ARHGAP42: variants seen among roughly 807,000 people sequenced by gnomAD.
The protein encoded by ARHGAP42 is rho GTPase-activating protein 42.
ARHGAP42 carries 63 observed loss-of-function variants against 125.0 expected under a neutral mutation model. That is an observed-to-expected ratio of 0.50 (90% CI 0.41 to 0.62). The LOEUF is 0.62. Among genes scored for constraint, ARHGAP42 ranks in the 20% least tolerant of loss-of-function variants. The pLI is 0.00. For synonymous variants in ARHGAP42, 339 were observed against 351.0 expected, an observed-to-expected ratio of 0.97 and a Z score of 0.38; for missense variants, 766 against 1,024.2, an observed-to-expected ratio of 0.75 and a Z score of 3.44.
At chr11:100,933,864 C>T (rs544526488) in intron 7 of ARHGAP42, among the ~76,000 whole-genome samples, 23 of 152,008 alleles carry the variant, frequency 1.5e-4, no homozygotes, top group Non-Finnish European at 2.5e-4. Flanking sequence ...CTCGGCTCAC[C>T]GCAACCTCCA....
At chr11:100,757,838 CAG>C (rs946728393) in intron 1 of ARHGAP42, among the ~76,000 whole-genome samples, 1 of 152,120 alleles carries the variant, frequency 6.6e-6, no homozygotes, top group Admixed American at 6.5e-5. Flanking sequence ...CCCTGTTTGA[CAG>C]TGTGCTTTTT....
At chr11:100,987,795 G>A (rs1858720463) in intron 23 of ARHGAP42, among the ~76,000 whole-genome samples, 1 of 140,856 alleles carries the variant, frequency 7.1e-6, no homozygotes, top group African/African-American at 2.6e-5. Flanking sequence ...GGTAAGCCCA[G>A]CCCAACCCAC....
chr11:100,687,915 T>A (rs1861114329), intron 1 of ARHGAP42, 83 bp downstream of exon 1: 1 of 1,404,602 alleles, frequency 7.1e-7, no homozygotes, highest in South Asian at 1.4e-5. Context: ...GTTGGAGGAG[T>A]CGGAGCTTCT....
chr11:100,971,018 G>A (rs1858229245), intron 17 of ARHGAP42, among the ~76,000 whole-genome samples: 1 of 152,110 alleles, frequency 6.6e-6, no homozygotes, highest in African/African-American at 2.4e-5. Flanking sequence ...GCTGAGAAGA[G>A]AGGGAGCCCT....
chr11:100,904,262 G>A (rs1307685935), intron 4 of ARHGAP42, among the ~76,000 whole-genome samples: 1 of 109,348 alleles, frequency 9.1e-6, no homozygotes, highest in Non-Finnish European at 1.9e-5. Flanking sequence ...TTTTTTTTTT[G>A]AGATGGAGTC....
intron 3 of ARHGAP42, 198 bp from the exon 4 acceptor site, chr11:100,859,356 G>A (rs661237): frequency 0.7 from 305,923 of 434,240 alleles, 108,225 homozygotes; most frequent in East Asian, 0.77. Flanking sequence ...TCACATTGTT[G>A]TTAGGATCAA....
intron 4 of ARHGAP42, among the ~76,000 whole-genome samples, chr11:100,885,647 T>C (rs1477536722): frequency 6.6e-6 from 1 of 152,220 alleles, no homozygotes; most frequent in Non-Finnish European, 1.5e-5. Context: ...ATGTTTGTCA[T>C]TGATTTATCA....
Position 100,875,073 on chromosome 11 carries a change from GTCTCTCTCTC to G in ARHGAP42, c.384+15474_384+15483del, listed in dbSNP as rs143461552. Among the ~76,000 whole-genome samples, 336 of 110,470 alleles carry G rather than the reference GTCTCTCTCTC, an allele frequency of 3.0e-3. 2 individuals are homozygous for G. The highest frequency in any genetic ancestry group is 9.1e-3 in the African/African-American group (253 of 27,782). The allele number at this position is 110,470 out of a possible 152,430, so 72.5% of individuals were successfully genotyped here. A position where few individuals can be genotyped will look rare whatever the true frequency, so the allele number is the denominator to read the frequency against. On this transcript the variant is annotated intron_variant, in intron 4 of 23. Transcript: ENST00000298815. Reference sequence around the variant, plus strand: ...AACTGCTGACTAAATCTAATCCACTGTCTCTCTCTCTCTCTCTCTCTCTCTCTCTCTCTCT... The same window carrying G: ...AACTGCTGACTAAATCTAATCCACTGTCTCTCTCTCTCTCTCTCTCTCTCT...
intron 22 of ARHGAP42, among the ~76,000 whole-genome samples, chr11:100,985,392 G>T (rs979435328): frequency 1.3e-5 from 2 of 152,008 alleles, no homozygotes; most frequent in African/African-American, 2.4e-5. Flanking sequence ...TAGGAAAATG[G>T]TTCTGAAGTC....
At position 100,896,987 on chromosome 11, in the gene ARHGAP42, T is replaced by A. The variant is rs1288850756; in HGVS notation, c.385-16465T>A. ...TATGGTTTTAGGTCTAACATTTAAG[T>A]CTTTAATCCATCTTGAATTAATTTT... On this transcript the variant is annotated intron_variant, in intron 4 of 23. Transcript: ENST00000298815. 3.3e-5 allele frequency among the ~76,000 whole-genome samples: 5 copies of A among 152,248 alleles called. No individual in the cohort carries two copies. In the East Asian group the frequency reaches 9.6e-4, roughly 29 times the overall value.
chr11:100,936,150 G>A (rs1867732456), intron 7 of ARHGAP42, 53 bp from the exon 8 acceptor site: 1 of 1,541,486 alleles, frequency 6.5e-7, no homozygotes. Context: ...TCTGGATGTT[G>A]CTGAAACTTG....
intron 3 of ARHGAP42, among the ~76,000 whole-genome samples, chr11:100,805,015 A>C (rs1482450321): frequency 6.6e-6 from 1 of 152,212 alleles, no homozygotes; most frequent in African/African-American, 2.4e-5. Flanking sequence ...TTAGATGATG[A>C]TAGCAACTGA....
chr11:100,775,272 T>C (rs1863092215), intron 2 of ARHGAP42, among the ~76,000 whole-genome samples: 1 of 152,116 alleles, frequency 6.6e-6, no homozygotes, highest in Non-Finnish European at 1.5e-5. Flanking sequence ...AGGAGTACAG[T>C]GCTAGACACG....
At chr11:100,814,123 G>T (rs1864209366) in intron 3 of ARHGAP42, among the ~76,000 whole-genome samples, 1 of 152,118 alleles carries the variant, frequency 6.6e-6, no homozygotes, top group Non-Finnish European at 1.5e-5. Context: ...AACCAGGGAG[G>T]CAGAGGTTAC....
intron 4 of ARHGAP42, among the ~76,000 whole-genome samples, chr11:100,882,936 T>C (rs609476): frequency 0.016 from 2,412 of 152,310 alleles, 70 homozygotes; most frequent in African/African-American, 0.055. Flanking sequence ...ATTTCTGTCA[T>C]GTCTGTCAAA....
intron 4 of ARHGAP42, among the ~76,000 whole-genome samples, chr11:100,907,721 T>G (rs1363588264): frequency 6.6e-6 from 1 of 152,170 alleles, no homozygotes; most frequent in Non-Finnish European, 1.5e-5. Context: ...GAGGTGGTGA[T>G]GCTGCTGTGG....
At chr11:100,717,656 A>AAAG (rs1487971145) in intron 1 of ARHGAP42, among the ~76,000 whole-genome samples, 10 of 150,152 alleles carry the variant, frequency 6.7e-5, no homozygotes, top group African/African-American at 2.2e-4. Context: ...AAAAAAAAAA[A>AAAG]AGATTCCATA....
chr11:100,930,004 G>A (rs994942751), intron 6 of ARHGAP42, among the ~76,000 whole-genome samples: 2 of 152,162 alleles, frequency 1.3e-5, no homozygotes, highest in African/African-American at 4.8e-5. Context: ...GGTTATTGGA[G>A]CGACAAGTAA....
At chr11:100,698,705 A>C (rs779449460) in intron 1 of ARHGAP42, among the ~76,000 whole-genome samples, 3 of 152,176 alleles carry the variant, frequency 2.0e-5, no homozygotes, top group Non-Finnish European at 4.4e-5. Flanking sequence ...ATTTTTAAAA[A>C]ATTTATTTTT....
Sources: allele counts gnomAD v4.1 joint callset (sites outside exome capture counted in the v4.1 genomes callset), GRCh38; gene constraint gnomAD v4.1.1; transcripts MANE v1.5; gene names NCBI Gene and HGNC (gene_info 2026-07-23, HGNC 2026-07-21).